The following VAV3 variants were observed in gnomAD, a reference collection of about 807,000 sequenced individuals.
VAV3 encodes the protein vav guanine nucleotide exchange factor 3.
In VAV3, 94 loss-of-function variants were observed where a neutral mutation model predicts 131.2. That is an observed-to-expected ratio of 0.72 (90% CI 0.61 to 0.85). The LOEUF (loss-of-function observed/expected upper bound fraction) is 0.85. VAV3 is among the 40% of genes least tolerant of loss of function. The pLI is 0.00. For missense variants in VAV3, 939 were observed against 1,002.7 expected, an observed-to-expected ratio of 0.94 and a Z score of 0.86; for synonymous variants, 349 against 342.0, an observed-to-expected ratio of 1.02 and a Z score of -0.22.
At chr1:107,755,348 A>C in intron 12 of VAV3, 79 bp downstream of exon 12, 1 of 1,098,784 alleles carries the variant, frequency 9.1e-7, no homozygotes, top group African/African-American at 1.6e-5. Context: ...AAGGTAAACT[A>C]TGTTTTCTTC....
At chr1:107,757,706 AC>A (rs1293591100) in intron 10 of VAV3, among the ~76,000 whole-genome samples, 3 of 152,118 alleles carry the variant, frequency 2.0e-5, no homozygotes, top group African/African-American at 7.2e-5. Flanking sequence ...CATTTCAGGG[AC>A]ATCAGGATGT....
intron 2 of VAV3, among the ~76,000 whole-genome samples, chr1:107,853,068 A>G (rs1669300219): frequency 6.6e-6 from 1 of 152,130 alleles, no homozygotes; most frequent in Admixed American, 6.5e-5. Flanking sequence ...CTGGTCACTC[A>G]TATTAATAAG....
At chr1:107,752,192 A>T (rs533093257) in intron 12 of VAV3, among the ~76,000 whole-genome samples, 2 of 152,228 alleles carry the variant, frequency 1.3e-5, no homozygotes, top group Admixed American at 6.5e-5. Flanking sequence ...GTCCTCACAT[A>T]TATGGTCAAA....
chr1:107,782,483 C>T (rs1267221466), intron 2 of VAV3, among the ~76,000 whole-genome samples: 1 of 152,116 alleles, frequency 6.6e-6, no homozygotes, highest in African/African-American at 2.4e-5. Context: ...CAAGCTGAGA[C>T]CAACTCCTAT....
intron 1 of VAV3, among the ~76,000 whole-genome samples, chr1:107,940,031 T>A (rs1000160656): frequency 6.6e-6 from 1 of 152,156 alleles, no homozygotes; most frequent in Non-Finnish European, 1.5e-5. Flanking sequence ...TTTGAAGTGA[T>A]GGAGGAAAGA....
chr1:107,694,963 A>G (rs182177744), intron 17 of VAV3, among the ~76,000 whole-genome samples: 1 of 152,348 alleles, frequency 6.6e-6, no homozygotes, highest in African/African-American at 2.4e-5. Flanking sequence ...CCCAGGCATT[A>G]GGAGTGTCAG....
chr1:107,927,070 A>G lies in VAV3; in HGVS notation c.204+37596T>C, dbSNP rs906891728. ...CCTTTGCTTCAGCAGAGAAGATGGAAGAGTAAAGACGACCTTGTCTTGCAT... is the reference window on the plus strand; with the variant it reads ...CCTTTGCTTCAGCAGAGAAGATGGAGGAGTAAAGACGACCTTGTCTTGCAT... On this transcript the variant is annotated intron_variant, in intron 1 of 26. Transcript: ENST00000370056. 2.6e-4 allele frequency among the ~76,000 whole-genome samples: 39 copies of G among 152,308 alleles called. 1 individual carries two copies. The highest frequency in any genetic ancestry group is 5.9e-5 in the Non-Finnish European group (4 of 68,020).
chr1:107,675,915 C>G (rs775822719), intron 19 of VAV3, among the ~76,000 whole-genome samples: 1 of 152,176 alleles, frequency 6.6e-6, no homozygotes, highest in Non-Finnish European at 1.5e-5. Flanking sequence ...TTGGAATAAA[C>G]CTTTGTTGGG....
intron 15 of VAV3, among the ~76,000 whole-genome samples, chr1:107,733,785 A>C (rs1375219039): frequency 1.3e-5 from 2 of 152,222 alleles, no homozygotes; most frequent in Non-Finnish European, 2.9e-5. Context: ...TGAAAGTGAC[A>C]GGGAGAATGG....
At chr1:107,834,747 C>A (rs1455345100) in intron 2 of VAV3, among the ~76,000 whole-genome samples, 2 of 151,900 alleles carry the variant, frequency 1.3e-5, no homozygotes, top group South Asian at 4.2e-4. Context: ...GCAATGCAAA[C>A]ACCAGGGCTG....
At chr1:107,904,170 G>A (rs1442847755) in intron 1 of VAV3, among the ~76,000 whole-genome samples, 2 of 152,092 alleles carry the variant, frequency 1.3e-5, no homozygotes, top group African/African-American at 4.8e-5. Flanking sequence ...CTGGCCAAAT[G>A]ACCCTTTGGT....
chr1:107,700,055 T>TGAGTTGTTG (rs1660004734), intron 17 of VAV3, among the ~76,000 whole-genome samples: 1 of 152,170 alleles, frequency 6.6e-6, no homozygotes, highest in Non-Finnish European at 1.5e-5. Context: ...AAATTATAAG[T>TGAGTTGTTG]GCAAGTGAGT....
Position 107,757,298 on chromosome 1 carries a change from T to A in VAV3, c.1049A>T (p.Glu350Val). ...AAGAGCCAGTTTCAGATTTGCCTTC[T>A]CAGTCGGATCAGTGGTATGTTTGAC... ...ELVKHTTDPT[E>V]KANLKLALDA... The change falls in exon 11 of 27, where the codon GAG becomes GTG. Residue 350 changes from glutamate to valine, a missense_variant. Coordinates refer to ENST00000370056, the MANE Select transcript of VAV3 (RefSeq NM_006113.5). The A allele has an allele frequency of 6.2e-7, 1 of 1,613,548 alleles. No homozygotes were observed.
intron 1 of VAV3, among the ~76,000 whole-genome samples, chr1:107,940,781 A>T (rs1673945252): frequency 2.0e-5 from 3 of 152,164 alleles, no homozygotes; most frequent in Non-Finnish European, 2.9e-5. Flanking sequence ...GAGTAGTCAA[A>T]TTCAGAGAGA....
intron 1 of VAV3, among the ~76,000 whole-genome samples, chr1:107,918,215 A>G (rs577749783): frequency 1.8e-4 from 27 of 152,328 alleles, no homozygotes; most frequent in Middle Eastern, 3.4e-3. Flanking sequence ...AAGATAGCAC[A>G]GTAAGAAAGG....
chr1:107,686,956 G>A (rs898542416), intron 18 of VAV3, among the ~76,000 whole-genome samples: 1 of 152,056 alleles, frequency 6.6e-6, no homozygotes, highest in African/African-American at 2.4e-5. Flanking sequence ...TAAGTGTTAA[G>A]TAACACTGAG....
intron 15 of VAV3, among the ~76,000 whole-genome samples, chr1:107,726,543 T>C (rs1303366513): frequency 1.3e-5 from 2 of 150,078 alleles, no homozygotes; most frequent in Admixed American, 1.4e-4. Context: ...GCTTGTAACA[T>C]CAAAAAGCCT....
intron 20 of VAV3, among the ~76,000 whole-genome samples, chr1:107,625,535 G>A (rs1653951913): frequency 6.6e-6 from 1 of 152,074 alleles, no homozygotes; most frequent in South Asian, 2.1e-4. Context: ...CCAAAGTGTT[G>A]GGATTACAGG....
In VAV3 at chr1:107,849,252, A is replaced by T. The variant is rs145995870; in HGVS notation, c.321+25649T>A. On this transcript the variant is annotated intron_variant, in intron 2 of 26. Coordinates refer to ENST00000370056, the MANE Select transcript of VAV3 (RefSeq NM_006113.5). ...AATTTCATATGCAACCAAAAAAAAA[A>T]AAAAGTCTGCATAGCCAAGACAATC... Among the ~76,000 whole-genome samples the T allele has an allele frequency of 7.5e-3, 1,140 of 152,206 alleles. 14 individuals carry two copies. The highest frequency in any genetic ancestry group is 0.017 in the African/African-American group (693 of 41,550).
Sources: gnomAD v4.1 joint callset for allele counts (sites outside exome capture counted in the v4.1 genomes callset) on GRCh38, gnomAD v4.1.1 for gene constraint, MANE v1.5 for transcripts, NCBI Gene and HGNC (gene_info 2026-07-23, HGNC 2026-07-21) for gene names.